Variants in TRHDE observed in about 807,000 individuals in gnomAD.
TRHDE encodes thyrotropin releasing hormone degrading enzyme.
In TRHDE, 72 loss-of-function variants were observed where a neutral mutation model predicts 125.7. The observed-to-expected ratio is 0.57, with a 90% CI of 0.47 to 0.70. The LOEUF is 0.70. TRHDE is among the 30% of genes least tolerant of loss of function. The pLI is 0.00. For synonymous variants in TRHDE, 509 were observed against 509.1 expected (o/e 1.00, Z 0.00); for missense variants, 1,110 against 1,327.1 (o/e 0.84, Z 2.54).
intron 2 of TRHDE, among the ~76,000 whole-genome samples, chr12:72,327,024 A>AT (rs1565699998): frequency 6.6e-6 from 1 of 150,474 alleles, no homozygotes; most frequent in Non-Finnish European, 1.5e-5. Flanking sequence ...TTAAGCATAC[A>AT]TTTTTGCAGT....
intron 3 of TRHDE, among the ~76,000 whole-genome samples, chr12:72,380,865 C>T (rs1312701410): frequency 1.6e-4 from 23 of 146,804 alleles, no homozygotes; most frequent in African/African-American, 5.0e-4. Flanking sequence ...CTCTCTTTCT[C>T]TCTCTCTCTC....
intron 3 of TRHDE, among the ~76,000 whole-genome samples, chr12:72,447,597 G>C (rs1875360947): frequency 6.6e-6 from 1 of 151,988 alleles, no homozygotes; most frequent in Non-Finnish European, 1.5e-5. Flanking sequence ...AACCCTGATG[G>C]TGACTCTGAT....
chr12:72,611,203 A>G (rs777421117), intron 12 of TRHDE: 7 of 201,220 alleles, frequency 3.5e-5, no homozygotes, highest in Non-Finnish European at 5.7e-5. Flanking sequence ...GCTGATCTGC[A>G]GGCCAAAATT....
At chr12:72,506,285 T>C (rs1878355265) in intron 6 of TRHDE, among the ~76,000 whole-genome samples, 1 of 152,082 alleles carries the variant, frequency 6.6e-6, no homozygotes, top group Admixed American at 6.6e-5. Flanking sequence ...CACTCCAGCC[T>C]GGACAAGAGA....
chr12:72,524,341 T>C (rs1418290404), intron 6 of TRHDE, among the ~76,000 whole-genome samples: 1 of 152,174 alleles, frequency 6.6e-6, no homozygotes, highest in Non-Finnish European at 1.5e-5. Context: ...CAGAAAATCG[T>C]TCATATCATG....
chr12:72,097,744 C>T (rs962117040), intron 1 of TRHDE, among the ~76,000 whole-genome samples: 2 of 152,162 alleles, frequency 1.3e-5, no homozygotes, highest in Non-Finnish European at 2.9e-5. Flanking sequence ...AGCCACTGCA[C>T]CTAATCTTCA....
intron 2 of TRHDE, among the ~76,000 whole-genome samples, chr12:72,323,456 C>A (rs1182938717): frequency 6.6e-6 from 1 of 152,140 alleles, no homozygotes; most frequent in Non-Finnish European, 1.5e-5. Context: ...AACCTACTTG[C>A]TGTCATTCTG....
At chr12:72,383,322 A>G (rs1420301699) in intron 3 of TRHDE, among the ~76,000 whole-genome samples, 1 of 151,476 alleles carries the variant, frequency 6.6e-6, no homozygotes, top group African/African-American at 2.4e-5. Flanking sequence ...ATTTGTGTTT[A>G]CTACATGTGA....
intron 2 of TRHDE, among the ~76,000 whole-genome samples, chr12:72,173,707 A>G (rs943982174): frequency 6.6e-6 from 1 of 152,198 alleles, no homozygotes; most frequent in African/African-American, 2.4e-5. Flanking sequence ...AAAGTCCCAT[A>G]TGCCCTTTGT....
intron 2 of TRHDE, chr12:72,162,880 G>A (rs1464346963): frequency 6.6e-6 from 1 of 151,410 alleles, no homozygotes; most frequent in African/African-American, 2.4e-5. Context: ...GGGGGCATGA[G>A]GAAGAAAAGG....
intron 2 of TRHDE, among the ~76,000 whole-genome samples, chr12:72,353,396 C>T (rs189702288): frequency 7.3e-5 from 11 of 151,384 alleles, no homozygotes; most frequent in Admixed American, 2.6e-4. Context: ...AGGATATTAA[C>T]GGGCAATTTA....
intron 2 of TRHDE, among the ~76,000 whole-genome samples, chr12:72,182,943 G>A (rs1379586425): frequency 6.6e-6 from 1 of 152,158 alleles, no homozygotes; most frequent in Non-Finnish European, 1.5e-5. Flanking sequence ...ACAATGTTAT[G>A]GGGGAATAGG....
chr12:72,454,932 G>T (rs1875769439), intron 3 of TRHDE, among the ~76,000 whole-genome samples: 1 of 151,984 alleles, frequency 6.6e-6, no homozygotes, highest in African/African-American at 2.4e-5. Flanking sequence ...TATCCTTCAA[G>T]ATTTATTTGC....
At chr12:72,476,237 G>A (rs1876886334) in intron 5 of TRHDE, among the ~76,000 whole-genome samples, 1 of 152,232 alleles carries the variant, frequency 6.6e-6, no homozygotes, top group Non-Finnish European at 1.5e-5. Context: ...GATTTAAAAA[G>A]CTTTCTGCTA....
intron 7 of TRHDE, among the ~76,000 whole-genome samples, chr12:72,543,557 T>C (rs1435622184): frequency 6.6e-6 from 1 of 151,412 alleles, no homozygotes; most frequent in Non-Finnish European, 1.5e-5. Context: ...TGGAGGAATG[T>C]CCTTCTTTAT....
chr12:72,109,895 TG>T (rs1180826177), intron 2 of TRHDE, among the ~76,000 whole-genome samples: 1 of 152,098 alleles, frequency 6.6e-6, no homozygotes, highest in Non-Finnish European at 1.5e-5. Flanking sequence ...GAAATGGCTT[TG>T]GTTACACAGG....
intron 2 of TRHDE, among the ~76,000 whole-genome samples, chr12:72,369,283 T>C (rs1354828867): frequency 1.3e-5 from 2 of 152,152 alleles, no homozygotes; most frequent in African/African-American, 4.8e-5. Flanking sequence ...ACCACCAGGG[T>C]GGTGCCATAA....
chr12:72,639,033 T>C (rs1312043577), intron 15 of TRHDE, among the ~76,000 whole-genome samples: 1 of 150,972 alleles, frequency 6.6e-6, no homozygotes, highest in Non-Finnish European at 1.5e-5. Context: ...CTGTATTTCC[T>C]GAATCTGAAT....
intron 2 of TRHDE, among the ~76,000 whole-genome samples, chr12:72,229,938 A>G (rs868201689): frequency 2.0e-5 from 3 of 152,208 alleles, no homozygotes; most frequent in Middle Eastern, 3.2e-3. Flanking sequence ...ATGTGATAAC[A>G]GTATTCATTT....
Sources: gnomAD v4.1 joint callset for allele counts (sites outside exome capture counted in the v4.1 genomes callset) on GRCh38, gnomAD v4.1.1 for gene constraint, MANE v1.5 for transcripts, NCBI Gene and HGNC (gene_info 2026-07-23, HGNC 2026-07-21) for gene names.